STAT5B: variants seen among roughly 807,000 people sequenced by gnomAD.
STAT5B encodes the protein transcription factor STAT5B.
Under a neutral mutation model 107.8 loss-of-function variants are expected in STAT5B, and 21 were observed. The observed-to-expected ratio is 0.19, with a 90% confidence interval of 0.14 to 0.28. The LOEUF is 0.28. Ranked by LOEUF, STAT5B falls within the 10% of genes least tolerant of loss-of-function variation. STAT5B has a pLI of 1.00. For synonymous variants in STAT5B, 325 were observed against 401.7 expected, an observed-to-expected ratio of 0.81 and a Z score of 2.28; for missense variants, 565 against 1,008.2, an observed-to-expected ratio of 0.56 and a Z score of 5.95.
chr17:42,254,986 G>A (rs1346599692), intron 1 of STAT5B, among the ~76,000 whole-genome samples: 2 of 152,144 alleles, frequency 1.3e-5, no homozygotes. Flanking sequence ...AGCTACTTGG[G>A]AGGCTGAGGC....
chr17:42,214,276 G>C (rs764232875), intron 12 of STAT5B: 3 of 985,210 alleles, frequency 3.0e-6, no homozygotes, highest in Non-Finnish European at 3.6e-6. Context: ...AAGGTACACA[G>C]AGAGTGAGAT....
At chr17:42,267,034 T>C (rs1283610790) in intron 1 of STAT5B, among the ~76,000 whole-genome samples, 1 of 152,126 alleles carries the variant, frequency 6.6e-6, no homozygotes, top group Non-Finnish European at 1.5e-5. Context: ...TCCCATAAGA[T>C]AATAAAACGT....
chr17:42,251,873 C>T (rs1304408692), intron 1 of STAT5B, among the ~76,000 whole-genome samples: 1 of 151,820 alleles, frequency 6.6e-6, no homozygotes, highest in African/African-American at 2.4e-5. Context: ...GTGATGCGTG[C>T]CTGTAATCCC....
chr17:42,250,428 T>C (rs1161775825), intron 1 of STAT5B, among the ~76,000 whole-genome samples: 1 of 152,118 alleles, frequency 6.6e-6, no homozygotes, highest in East Asian at 1.9e-4. Context: ...GGAAACAAAA[T>C]AAATGACTTC....
intron 1 of STAT5B, among the ~76,000 whole-genome samples, chr17:42,247,952 TAA>T (rs199671071): frequency 2.3e-4 from 32 of 141,092 alleles, no homozygotes; most frequent in East Asian, 4.1e-4. Flanking sequence ...ACTCATTCTC[TAA>T]AAAAAAAAAA....
intron 12 of STAT5B, chr17:42,214,407 T>C (rs1189813842): frequency 1.0e-6 from 1 of 984,304 alleles, no homozygotes; most frequent in African/African-American, 1.8e-5. Flanking sequence ...GTAAGTGAAG[T>C]ATGGTAAATC....
upstream of STAT5B, among the ~76,000 whole-genome samples, chr17:42,280,737 TG>T (rs1232611479): frequency 6.6e-6 from 1 of 152,140 alleles, no homozygotes; most frequent in Non-Finnish European, 1.5e-5. Flanking sequence ...CGGTTTGGAA[TG>T]GGCTCTGCAG....
At chr17:42,219,637 C>T in intron 6 of STAT5B, 75 bp downstream of exon 6, 19 of 1,502,830 alleles carry the variant, frequency 1.3e-5, no homozygotes, top group Non-Finnish European at 1.7e-5. Flanking sequence ...TCATGCTGGT[C>T]CCAGCCCTCC....
At chr17:42,216,964 C>T (rs1445688822) in intron 11 of STAT5B, among the ~76,000 whole-genome samples, 196 bp downstream of exon 11, 7 of 152,130 alleles carry the variant, frequency 4.6e-5, no homozygotes, top group African/African-American at 1.4e-4. Context: ...CAAGCATGAG[C>T]CACTGTGCTT....
chr17:42,284,953 A>T, the STAT5B span, among the ~76,000 whole-genome samples: 1 of 152,198 alleles, frequency 6.6e-6, no homozygotes, highest in African/African-American at 2.4e-5. Flanking sequence ...GAGCACAACC[A>T]TGTCTGTACA....
chr17:42,256,904 C>G (rs1007842669), intron 1 of STAT5B, among the ~76,000 whole-genome samples: 11 of 136,202 alleles, frequency 8.1e-5, no homozygotes, highest in Admixed American at 5.2e-4. Context: ...CATACTTGTT[C>G]TATTTTATTA....
chr17:42,253,132 CTTTCTTTT>C (rs1299982979), intron 1 of STAT5B, among the ~76,000 whole-genome samples: 1 of 151,780 alleles, frequency 6.6e-6, no homozygotes, highest in African/African-American at 2.4e-5. Context: ...TTCTTTCTTT[CTTTCTTTT>C]TTTCATCTCT....
intron 1 of STAT5B, among the ~76,000 whole-genome samples, chr17:42,262,970 GTATATA>G (rs869160306): frequency 0.013 from 263 of 20,876 alleles, 1 homozygote; most frequent in African/African-American, 0.023. Flanking sequence ...GTGTGTGTGT[GTATATA>G]TATATATATA....
intron 2 of STAT5B, among the ~76,000 whole-genome samples, chr17:42,229,418 G>A (rs2080300403): frequency 6.6e-6 from 1 of 151,716 alleles, no homozygotes. Flanking sequence ...CCAAAGTGCT[G>A]GGATTACAGG....
chr17:42,263,701 A>C (rs564522575), intron 1 of STAT5B, among the ~76,000 whole-genome samples: 5 of 152,004 alleles, frequency 3.3e-5, no homozygotes, highest in African/African-American at 1.2e-4. Flanking sequence ...TAATTTTTTA[A>C]TTTTTTGTAG....
intron 1 of STAT5B, among the ~76,000 whole-genome samples, chr17:42,247,153 G>A (rs1389498352): frequency 1.3e-5 from 2 of 152,168 alleles, no homozygotes; most frequent in Non-Finnish European, 2.9e-5. Context: ...GGGGCCCTGA[G>A]ATGTTTCTCT....
At chr17:42,217,951 C>T in intron 9 of STAT5B, 200 bp downstream of exon 9, 2 of 833,054 alleles carry the variant, frequency 2.4e-6, no homozygotes, top group Non-Finnish European at 3.7e-6. Flanking sequence ...GGTGATCTGC[C>T]CACCTCGGCC....
intron 4 of STAT5B, among the ~76,000 whole-genome samples, chr17:42,224,219 T>A (rs554383018): frequency 6.6e-6 from 1 of 152,218 alleles, no homozygotes; most frequent in African/African-American, 2.4e-5. Flanking sequence ...CACCTGAATA[T>A]GAGCATGCCT....
chr17:42,204,169 A>G (rs1246062444), intron 16 of STAT5B, among the ~76,000 whole-genome samples: 1 of 152,192 alleles, frequency 6.6e-6, no homozygotes, highest in Non-Finnish European at 1.5e-5. Context: ...GGTGCCAAGA[A>G]TGCGATGTGT....
Sources: gnomAD v4.1 joint callset for allele counts (sites outside exome capture counted in the v4.1 genomes callset) on GRCh38, gnomAD v4.1.1 for gene constraint, MANE v1.5 for transcripts, NCBI Gene and HGNC (gene_info 2026-07-23, HGNC 2026-07-21) for gene names.